Variants in KANK1 observed in about 807,000 individuals in gnomAD.
The protein encoded by KANK1 is KN motif and ankyrin repeat domains 1, also known as KN motif and ankyrin repeat domain-containing protein 1.
In KANK1, 109 loss-of-function variants were observed where a neutral mutation model predicts 106.2. The ratio of observed to expected loss-of-function variants is 1.03; its 90% CI spans 0.88 to 1.20. The LOEUF (loss-of-function observed/expected upper bound fraction) is 1.20, where lower values mean the gene tolerates loss of function less well. Ranked by LOEUF, KANK1 falls within the 50% of genes most tolerant of loss-of-function variation. KANK1 has a pLI of 0.00. For synonymous variants in KANK1, 873 were observed against 652.2 expected (o/e 1.34, Z -5.16); for missense variants, 2,399 against 1,710.7 (o/e 1.40, Z -7.10).
intron 1 of KANK1, among the ~76,000 whole-genome samples, chr9:608,034 A>ATTTTTTTTTTTT (rs35949327): frequency 2.6e-5 from 3 of 115,352 alleles, no homozygotes; most frequent in African/African-American, 1.1e-4. Context: ...TATTATTATT[A>ATTTTTTTTTTTT]TTTTTTTTTT....
intron 3 of KANK1, among the ~76,000 whole-genome samples, chr9:498,270 A>G (rs58134599): frequency 0.12 from 18,410 of 152,206 alleles, 1,882 homozygotes; most frequent in African/African-American, 0.28. Context: ...ACGAAGGTCT[A>G]CTACAGAAAT....
At chr9:497,430 T>TCACACACACA (rs112024846) in intron 3 of KANK1, among the ~76,000 whole-genome samples, 23 of 150,836 alleles carry the variant, frequency 1.5e-4, no homozygotes, top group African/African-American at 5.6e-4. Flanking sequence ...ATGTGACTCT[T>TCACACACACA]CACACACACA....
chr9:571,764 C>T (rs1819237467), intron 1 of KANK1, among the ~76,000 whole-genome samples: 1 of 152,118 alleles, frequency 6.6e-6, no homozygotes, highest in African/African-American at 2.4e-5. Context: ...AAGGTATGTT[C>T]TGTCATTTAT....
At position 589,070 on chromosome 9, in the gene KANK1, C is replaced by T. The variant is rs72689653; in HGVS notation, c.-84+84316C>T. 3.9e-5 allele frequency among the ~76,000 whole-genome samples: 6 copies of T among 152,362 alleles called. No individual in the cohort carries two copies. In the East Asian group the frequency reaches 1.2e-3, roughly 29 times the overall value. ...GAAGATCACAAATTACCTTCCGTGACTCAGTTGATGCTGAGAGGTCAGGGA... is the reference window on the plus strand; with the variant it reads ...GAAGATCACAAATTACCTTCCGTGATTCAGTTGATGCTGAGAGGTCAGGGA... On this transcript the variant is annotated intron_variant, in intron 1 of 11. Transcript: ENST00000382297.
rs1836663185 is a variant in KANK1, at chr9:744,485, C to A, written c.3898-6C>A. 1 of 1,610,648 alleles carries A rather than the reference C, an allele frequency of 6.2e-7. No individual in the cohort carries two copies. On this transcript the variant is annotated splice_region_variant and splice_polypyrimidine_tract_variant and intron_variant, in intron 10 of 11. Coordinates refer to ENST00000382297, the MANE Select transcript of KANK1 (RefSeq NM_015158.5). The stretch of plus-strand genomic sequence containing the variant: ...ACATGGCTTGTTCTTTCCATCTTAT[C>A]TTAAGGATGGCAGCACTGCGCTCTC...
intron 1 of KANK1, among the ~76,000 whole-genome samples, chr9:590,145 T>C (rs1824484654): frequency 6.6e-6 from 1 of 152,186 alleles, no homozygotes; most frequent in South Asian, 2.1e-4. Flanking sequence ...TCTAGGTACC[T>C]TTTCCTCAGG....
chr9:559,275 C>G (rs1815736812), intron 1 of KANK1, among the ~76,000 whole-genome samples: 1 of 152,080 alleles, frequency 6.6e-6, no homozygotes, highest in Admixed American at 6.5e-5. Flanking sequence ...TTGCAGAGAT[C>G]ATCCATTTAA....
intron 3 of KANK1, among the ~76,000 whole-genome samples, chr9:483,913 C>T (rs993029401): frequency 5.3e-5 from 8 of 152,188 alleles, no homozygotes; most frequent in Non-Finnish European, 8.8e-5. Context: ...GGAGACAGAG[C>T]GAGCAGGTAT....
intron 1 of KANK1, among the ~76,000 whole-genome samples, chr9:535,573 G>A (rs2060259365): frequency 1.3e-5 from 2 of 152,272 alleles, no homozygotes; most frequent in African/African-American, 4.8e-5. Flanking sequence ...AACATGTAAG[G>A]AAAATGGCTT....
intron 1 of KANK1, among the ~76,000 whole-genome samples, chr9:664,287 T>G (rs568911828): frequency 6.6e-6 from 1 of 152,232 alleles, no homozygotes; most frequent in East Asian, 1.9e-4. Context: ...GAGATTCAGT[T>G]TTGTAGCTCC....
chr9:500,982 C>T (rs1217009772), upstream of KANK1, among the ~76,000 whole-genome samples: 1 of 152,142 alleles, frequency 6.6e-6, no homozygotes, highest in Non-Finnish European at 1.5e-5. Flanking sequence ...TACTGAATGA[C>T]TTTCTTCCTC....
At chr9:624,686 C>G (rs555849559) in intron 1 of KANK1, among the ~76,000 whole-genome samples, 1 of 152,218 alleles carries the variant, frequency 6.6e-6, no homozygotes, top group African/African-American at 2.4e-5. Flanking sequence ...GTAGTCCCAG[C>G]TACTCGGGAG....
rs114784029 is a variant in KANK1 at position 711,962 on chromosome 9, G to A, written c.1196G>A (p.Arg399Gln). ...GAGCTCAGGGAGAATGGAGAGTGCC[G>A]GTCTGTGGCTGTGGGTGCCGAGGAG... Reference protein sequence around the residue: ...SSELRENGECRSVAVGAEENM... With the variant: ...SSELRENGECQSVAVGAEENM... The change falls in exon 3 of 12, where the codon CGG (arginine) becomes CAG (glutamine). Residue 399 changes from arginine to glutamine, a missense_variant. By Grantham distance (43) the Arg-to-Gln change is conservative. Transcript: ENST00000382297. 8.8e-5 allele frequency: 142 copies of A among 1,614,152 alleles called. 3 individuals carry two copies. In the East Asian group the frequency reaches 1.8e-3, roughly 20 times the overall value.
At chr9:689,953 G>C (rs1588935916) in intron 2 of KANK1, among the ~76,000 whole-genome samples, 1 of 151,998 alleles carries the variant, frequency 6.6e-6, no homozygotes, top group Middle Eastern at 3.4e-3. Context: ...TTTGATTGTT[G>C]TCCTTGGGTT....
chr9:530,848 C>T (rs528022043), intron 1 of KANK1, among the ~76,000 whole-genome samples: 2 of 152,098 alleles, frequency 1.3e-5, no homozygotes, highest in East Asian at 1.9e-4. Flanking sequence ...ATTAGCCAGA[C>T]GTGGTGGGGC....
intron 1 of KANK1, among the ~76,000 whole-genome samples, chr9:516,481 T>C (rs984167669): frequency 1.3e-5 from 2 of 151,766 alleles, no homozygotes; most frequent in Non-Finnish European, 2.9e-5. Flanking sequence ...AATTCAGGGC[T>C]AGCTCCCAAA....
intron 1 of KANK1, among the ~76,000 whole-genome samples, chr9:591,423 C>T (rs1824848326): frequency 6.6e-6 from 1 of 151,828 alleles, no homozygotes. Context: ...CTGAGCTCGT[C>T]ATGGCATTCT....
chr9:537,857 T>G (rs2060385139), intron 1 of KANK1, among the ~76,000 whole-genome samples: 1 of 152,218 alleles, frequency 6.6e-6, no homozygotes, highest in Non-Finnish European at 1.5e-5. Flanking sequence ...AACTCTTGAT[T>G]GAGAAAGGAG....
At chr9:515,845 A>G (rs1339394760) in intron 1 of KANK1, among the ~76,000 whole-genome samples, 1 of 151,814 alleles carries the variant, frequency 6.6e-6, no homozygotes, top group Non-Finnish European at 1.5e-5. Context: ...TTCTTAGCAA[A>G]TGAAATGCAT....
Sources: gnomAD v4.1 joint callset for allele counts (sites outside exome capture counted in the v4.1 genomes callset) on GRCh38, gnomAD v4.1.1 for gene constraint, MANE v1.5 for transcripts, NCBI Gene and HGNC (gene_info 2026-07-23, HGNC 2026-07-21) for gene names.